Variants in NBPF8 observed in about 807,000 individuals in gnomAD.
NBPF8 encodes the protein NBPF family member NBPF8.
chr1:120,425,627 T>C (rs1265766758), intron 1 of NBPF8, among the ~76,000 whole-genome samples: 2 of 152,194 alleles, frequency 1.3e-5, no homozygotes, highest in African/African-American at 4.8e-5. Context: ...CATTTTTCTT[T>C]CTCTGTACTT....
intron 13 of NBPF8, among the ~76,000 whole-genome samples, chr1:120,452,895 G>T (rs1484366725): frequency 6.6e-6 from 1 of 152,196 alleles, no homozygotes. Context: ...TCAGACTGGA[G>T]CGCTCCCCAT....
At chr1:120,449,395 C>T in exon 11 of NBPF8, 2 of 1,175,702 alleles carry the variant, frequency 1.7e-6, no homozygotes, top group South Asian at 1.2e-5. Flanking sequence ...ACCGACAGAA[C>T]AAATACAGTA....
At chr1:120,454,159 G>A (rs1661367259) in intron 15 of NBPF8, 45 bp downstream of exon 13, 3 of 1,598,978 alleles carry the variant, frequency 1.9e-6, no homozygotes, top group South Asian at 2.2e-5. Flanking sequence ...TCTAGGCTGA[G>A]GAAGATAAAC....
chr1:120,425,089 C>T (rs1371691470), intron 1 of NBPF8, among the ~76,000 whole-genome samples: 1 of 150,988 alleles, frequency 6.6e-6, no homozygotes, highest in Non-Finnish European at 1.5e-5. Flanking sequence ...AGGTATTGTC[C>T]AAGGTTTCTC....
intron 3 of NBPF8, among the ~76,000 whole-genome samples, chr1:120,428,509 T>A (rs1320297619): frequency 6.6e-6 from 1 of 151,852 alleles, no homozygotes; most frequent in Non-Finnish European, 1.5e-5. Flanking sequence ...TGGTGAAGAA[T>A]TTCTTTTATG....
At chr1:120,434,319 GTATA>G (rs1661005216), upstream of NBPF8, among the ~76,000 whole-genome samples, 20 of 144,508 alleles carry the variant, frequency 1.4e-4, no homozygotes, top group Non-Finnish European at 2.7e-4. Flanking sequence ...GTATATACAC[GTATA>G]TATATTATAT....
At chr1:120,434,668 CTT>C (rs1274762962), upstream of NBPF8, among the ~76,000 whole-genome samples, 5 of 150,616 alleles carry the variant, frequency 3.3e-5, no homozygotes, top group East Asian at 3.9e-4. Flanking sequence ...AAATGAAAGA[CTT>C]TTAAGTAAAA....
rs1289105118 is a variant in NBPF8 at position 120,453,567 on chromosome 1, A to T, written n.2362+123A>T. The T allele has an allele frequency of 2.7e-5, 25 of 923,576 alleles. No individual in the cohort carries two copies. In the African/African-American group the frequency reaches 4.6e-4, roughly 17 times the overall value. 57.2% of individuals were successfully genotyped at this position (923,576 alleles called of 1,614,324 possible). A position where few individuals can be genotyped will look rare whatever the true frequency, so the allele number is the denominator to read the frequency against. On this transcript the variant is annotated intron_variant and non_coding_transcript_variant, in intron 14 of 24. Coordinates refer to ENST00000583271, the Ensembl canonical transcript of NBPF8. ...GCATTTGCTTAGCCACAGTATGTGAAATATAACCCAGCTTAGACACAGGGT... is the reference window on the plus strand; with the variant it reads ...GCATTTGCTTAGCCACAGTATGTGATATATAACCCAGCTTAGACACAGGGT...
At chr1:120,418,450 T>C (rs1394553081), upstream of NBPF8, among the ~76,000 whole-genome samples, 3 of 137,474 alleles carry the variant, frequency 2.2e-5, no homozygotes, top group Non-Finnish European at 4.6e-5. Flanking sequence ...CCAGGAAAAC[T>C]TTATGGATCG....
rs1396631245 is a variant in NBPF8, at chr1:120,462,468, C to A, written n.3061+271C>A. 2.7e-3 allele frequency among the ~76,000 whole-genome samples: 373 copies of A among 138,286 alleles called. 1 individual carries two copies. The highest frequency in any genetic ancestry group is 4.2e-3 in the Non-Finnish European group (267 of 63,864). 90.7% of individuals were successfully genotyped at this position (138,286 alleles called of 152,430 possible). On this transcript the variant is annotated intron_variant and non_coding_transcript_variant, in intron 20 of 24. Coordinates refer to ENST00000583271, the Ensembl canonical transcript of NBPF8. ...GCAAGTTTATGGAAAATTATTGAGC[C>A]CACTCTTTTCATGATCACTGTTCGC...
At chr1:120,415,182 C>T (rs1464414979), upstream of NBPF8, among the ~76,000 whole-genome samples, 6 of 152,182 alleles carry the variant, frequency 3.9e-5, no homozygotes, top group African/African-American at 1.4e-4. Flanking sequence ...GGACGGGCGA[C>T]CTGTGGCGCC....
chr1:120,415,304 G>A (rs1337231986), upstream of NBPF8, among the ~76,000 whole-genome samples: 4 of 152,148 alleles, frequency 2.6e-5, no homozygotes, highest in Non-Finnish European at 4.4e-5. Flanking sequence ...GCCGGGGGGC[G>A]GTGAGTCCGG....
intron 13 of NBPF8, among the ~76,000 whole-genome samples, chr1:120,452,774 C>T (rs1270479670): frequency 1.3e-5 from 2 of 152,156 alleles, no homozygotes; most frequent in East Asian, 3.9e-4. Flanking sequence ...AGGGTCGAAG[C>T]ATTCAAATGT....
At chr1:120,449,607 G>C (rs1556606432) in intron 11 of NBPF8, among the ~76,000 whole-genome samples, 5 of 152,054 alleles carry the variant, frequency 3.3e-5, no homozygotes, top group African/African-American at 1.2e-4. Context: ...AATCAGGTGG[G>C]GGTGGGACTA....
chr1:120,427,199 T>C (rs2101524802), intron 2 of NBPF8, among the ~76,000 whole-genome samples: 1 of 143,540 alleles, frequency 7.0e-6, no homozygotes, highest in East Asian at 2.0e-4. Context: ...GTTTCCAGTT[T>C]TTCCTATTAT....
chr1:120,415,125 C>T (rs1471357363), upstream of NBPF8, among the ~76,000 whole-genome samples: 3 of 152,084 alleles, frequency 2.0e-5, no homozygotes, highest in Non-Finnish European at 4.4e-5. Context: ...GTGAGGGTCG[C>T]GAGGCTGCGT....
chr1:120,468,036 T>C (rs1661791935), downstream of NBPF8, among the ~76,000 whole-genome samples: 1 of 151,744 alleles, frequency 6.6e-6, no homozygotes. Context: ...GCACTAAAAA[T>C]GTTTTTGATG....
exon 13 of NBPF8, chr1:120,452,120 A>C (rs2101678298): frequency 6.3e-7 from 1 of 1,598,820 alleles, no homozygotes; most frequent in East Asian, 2.2e-5. Flanking sequence ...ACCTTAGGCA[A>C]TATAAAGTCC....
At chr1:120,466,508 CTCAGGGATT>C in exon 25 of NBPF8, 1 of 359,048 alleles carries the variant, frequency 2.8e-6, no homozygotes, top group South Asian at 2.6e-5. Context: ...TACAAAATTC[CTCAGGGATT>C]TCATTTTGCA....
Sources: gnomAD v4.1 joint callset for allele counts (sites outside exome capture counted in the v4.1 genomes callset) on GRCh38, gnomAD v4.1.1 for gene constraint, MANE v1.5 for transcripts, NCBI Gene and HGNC (gene_info 2026-07-23, HGNC 2026-07-21) for gene names.